The following TMEM65 variants were observed in gnomAD, a reference collection of about 807,000 sequenced individuals.
TMEM65 encodes the protein transmembrane protein 65.
Under a neutral mutation model 25.4 loss-of-function variants are expected in TMEM65, and 22 were observed. That is an observed-to-expected ratio of 0.86 (90% confidence interval 0.62 to 1.23). The LOEUF is 1.23. Among genes scored for constraint, TMEM65 ranks in the 50% most tolerant of loss-of-function variants. The pLI, the probability that TMEM65 is intolerant of heterozygous loss-of-function variation, is 0.00. For missense variants in TMEM65, 262 were observed against 308.2 expected (o/e 0.85, Z 1.12); for synonymous variants, 132 against 126.2 (o/e 1.05, Z -0.31).
chr8:124,356,215 C>G (rs1432128775), intron 1 of TMEM65, among the ~76,000 whole-genome samples: 1 of 152,066 alleles, frequency 6.6e-6, no homozygotes. Flanking sequence ...TTTTACCCAT[C>G]TCTCCCCTCC....
At chr8:124,323,024 A>G (rs1179011429) in intron 4 of TMEM65, among the ~76,000 whole-genome samples, 6 of 151,490 alleles carry the variant, frequency 4.0e-5, no homozygotes, top group Non-Finnish European at 8.8e-5. Context: ...ATAAATAAAT[A>G]AAAGAGACCA....
rs1815017871 is a variant in TMEM65, at chr8:124,371,757, G to A, written c.304+97C>T. 3 of 1,188,750 alleles carry A rather than the reference G, an allele frequency of 2.5e-6. No individual in the cohort carries two copies. The African/African-American group carries it at 4.9e-5, about 19-fold the overall frequency. The allele number at this position is 1,188,750 out of a possible 1,614,324, so 73.6% of individuals were successfully genotyped here. ...GGGGGCGGAAGGGGGGCGGCGGCGG[G>A]GGTCCAAGATCCAGGGCCGCAGCGG... On this transcript the variant is annotated intron_variant, in intron 1 of 6. Transcript: ENST00000297632.
chr8:124,339,369 A>G (rs1476378390), intron 1 of TMEM65, among the ~76,000 whole-genome samples: 1 of 150,772 alleles, frequency 6.6e-6, no homozygotes, highest in East Asian at 2.0e-4. Flanking sequence ...CTATAGCAAA[A>G]AAGTTATTTC....
intron 1 of TMEM65, among the ~76,000 whole-genome samples, chr8:124,357,265 A>G (rs78398567): frequency 0.017 from 2,619 of 152,208 alleles, 79 homozygotes; most frequent in African/African-American, 0.06. Flanking sequence ...CTGGAGCTCC[A>G]GAGTTGATAT....
chr8:124,330,997 C>A (rs1236376542), intron 1 of TMEM65, among the ~76,000 whole-genome samples: 2 of 151,896 alleles, frequency 1.3e-5, no homozygotes, highest in African/African-American at 4.8e-5. Context: ...GCAAATGAAA[C>A]TGAGCTTAGT....
At chr8:124,340,498 G>GAA (rs1292619029) in intron 1 of TMEM65, among the ~76,000 whole-genome samples, 4 of 149,646 alleles carry the variant, frequency 2.7e-5, no homozygotes, top group African/African-American at 9.9e-5. Context: ...TTATTGGTTT[G>GAA]ATTAAAACAG....
chr8:124,362,232 AATGTGTATTTG>A (rs977326484), intron 1 of TMEM65, among the ~76,000 whole-genome samples: 2 of 152,176 alleles, frequency 1.3e-5, no homozygotes, highest in Non-Finnish European at 2.9e-5. Context: ...AAAGCATGAA[AATGTGTATTTG>A]CTGAGAAAAA....
intron 1 of TMEM65, among the ~76,000 whole-genome samples, chr8:124,350,246 GTTTTA>G (rs929706226): frequency 1.5e-4 from 23 of 151,914 alleles, no homozygotes; most frequent in African/African-American, 5.3e-4. Context: ...TACAGTCTGA[GTTTTA>G]TTTAACTCTT....
intron 6 of TMEM65, among the ~76,000 whole-genome samples, chr8:124,315,189 G>C (rs991064143): frequency 6.6e-6 from 1 of 152,118 alleles, no homozygotes; most frequent in Non-Finnish European, 1.5e-5. Context: ...CTTCTAGTTA[G>C]GTACACAGGG....
intron 1 of TMEM65, among the ~76,000 whole-genome samples, chr8:124,331,480 C>T (rs1463945133): frequency 1.4e-5 from 2 of 140,416 alleles, no homozygotes. Context: ...GTATTCCATA[C>T]ATTAAAACAA....
chr8:124,361,271 T>C (rs548088978), intron 1 of TMEM65, among the ~76,000 whole-genome samples: 7 of 151,482 alleles, frequency 4.6e-5, no homozygotes, highest in African/African-American at 1.7e-4. Flanking sequence ...CTGTCTCTAC[T>C]AAAAATACAA....
intron 1 of TMEM65, among the ~76,000 whole-genome samples, chr8:124,336,403 AC>A (rs1814506676): frequency 6.6e-6 from 1 of 152,048 alleles, no homozygotes; most frequent in South Asian, 2.1e-4. Context: ...ACTGTAGAAT[AC>A]ATCTTATTTT....
intron 1 of TMEM65, among the ~76,000 whole-genome samples, chr8:124,339,403 C>G (rs1361737488): frequency 6.6e-6 from 1 of 151,122 alleles, no homozygotes; most frequent in African/African-American, 2.4e-5. Flanking sequence ...CTTTTTCTAT[C>G]TATAAATACT....
At chr8:124,344,280 A>G (rs943160022) in intron 1 of TMEM65, among the ~76,000 whole-genome samples, 2 of 152,358 alleles carry the variant, frequency 1.3e-5, no homozygotes, top group African/African-American at 4.8e-5. Context: ...CTTAATTTGC[A>G]CTATAAAATA....
intron 1 of TMEM65, among the ~76,000 whole-genome samples, chr8:124,363,547 G>A (rs191285772): frequency 1.3e-5 from 2 of 152,154 alleles, no homozygotes; most frequent in East Asian, 3.9e-4. Context: ...CATAATACCT[G>A]ATGTAGACAT....
At chr8:124,361,604 G>A (rs906960853) in intron 1 of TMEM65, among the ~76,000 whole-genome samples, 6 of 151,826 alleles carry the variant, frequency 4.0e-5, no homozygotes, top group Non-Finnish European at 5.9e-5. Flanking sequence ...GAGCAGAGGC[G>A]GGTGAATCAC....
intron 6 of TMEM65, among the ~76,000 whole-genome samples, chr8:124,317,108 A>G (rs1170043818): frequency 1.3e-5 from 2 of 152,302 alleles, no homozygotes; most frequent in East Asian, 3.9e-4. Flanking sequence ...ATTTAACTCT[A>G]TATTACCTAT....
chr8:124,372,700 G>A lies in TMEM65; in HGVS notation c.-543C>T, dbSNP rs1815040322. 2 of 160,306 alleles carry A rather than the reference G, an allele frequency of 1.2e-5. No individual in the cohort carries two copies. The highest frequency in any genetic ancestry group is 2.4e-5 in the African/African-American group (1 of 41,544). The allele number at this position is 160,306 out of a possible 1,614,324, so 9.9% of individuals were successfully genotyped here. ...GCCGCTACCCCTAGCGGCAGCAGAA[G>A]TGGGAACGGGGCGGGGCGAAAGGGG... On this transcript the variant is annotated 5_prime_UTR_variant, in exon 1 of 7. Transcript: ENST00000297632.
At chr8:124,367,855 C>CA (rs77419335) in intron 1 of TMEM65, among the ~76,000 whole-genome samples, 13,502 of 152,184 alleles carry the variant, frequency 0.089, 646 homozygotes, top group East Asian at 0.15. Flanking sequence ...ATAGAGTAAT[C>CA]AAAAAATGCA....
Sources: gnomAD v4.1 joint callset for allele counts (sites outside exome capture counted in the v4.1 genomes callset) on GRCh38, gnomAD v4.1.1 for gene constraint, MANE v1.5 for transcripts, NCBI Gene and HGNC (gene_info 2026-07-23, HGNC 2026-07-21) for gene names.